DDX42: variants seen among roughly 807,000 people sequenced by gnomAD.
The protein encoded by DDX42 is ATP-dependent RNA helicase DDX42.
In DDX42, 22 loss-of-function variants were observed where a neutral mutation model predicts 101.5. The ratio of observed to expected loss-of-function variants is 0.22; its 90% confidence interval spans 0.15 to 0.31. The LOEUF is 0.31. Among genes scored for constraint, DDX42 ranks in the 10% least tolerant of loss-of-function variants. DDX42 has a pLI of 1.00. For synonymous variants in DDX42, 402 were observed against 401.2 expected (o/e 1.00, Z -0.02); for missense variants, 849 against 1,199.9 (o/e 0.71, Z 4.32).
intron 1 of DDX42, among the ~76,000 whole-genome samples, chr17:63,785,644 A>G (rs1157941095): frequency 6.6e-6 from 1 of 151,772 alleles, no homozygotes; most frequent in Non-Finnish European, 1.5e-5. Flanking sequence ...TGGAGCCAAG[A>G]CTAATGTAAG....
chr17:63,779,969 A>G (rs1295355108), intron 1 of DDX42, among the ~76,000 whole-genome samples: 4 of 152,140 alleles, frequency 2.6e-5, no homozygotes, highest in African/African-American at 7.2e-5. Flanking sequence ...GTGATTGTCA[A>G]GGTTCAGTAA....
At chr17:63,780,032 C>T (rs886498099) in intron 1 of DDX42, among the ~76,000 whole-genome samples, 8 of 152,202 alleles carry the variant, frequency 5.3e-5, no homozygotes, top group Admixed American at 1.3e-4. Context: ...CACGGTGGCT[C>T]ACGCCTGTAA....
At chr17:63,789,145 C>G (rs1235671112) in intron 2 of DDX42, among the ~76,000 whole-genome samples, 2 of 151,956 alleles carry the variant, frequency 1.3e-5, no homozygotes, top group Non-Finnish European at 2.9e-5. Flanking sequence ...GTGGCGTGAT[C>G]TAGGCTCACA....
At chr17:63,811,198 G>A (rs545739006) in intron 13 of DDX42, 25 bp downstream of exon 13, 1 of 1,523,394 alleles carries the variant, frequency 6.6e-7, no homozygotes, top group Non-Finnish European at 9.0e-7. Flanking sequence ...GGCTGGATGG[G>A]ACCTTAATGG....
intron 11 of DDX42, 65 bp from the exon 12 acceptor site, chr17:63,810,448 G>A: frequency 6.5e-7 from 1 of 1,546,204 alleles, no homozygotes. Context: ...TACTAATATG[G>A]CTTTTTCCAG....
At position 63,809,700 on chromosome 17, in the gene DDX42, GA is replaced by G. The variant is rs1181019845; in HGVS notation, c.1252+42del. ...CAGTTTCTTCTGTCCCCATCCTCAT[GA>G]TACTAGTTTTTTTTCCATGTCTTTC... On this transcript the variant is annotated intron_variant, in intron 11 of 17. Coordinates refer to ENST00000389924, the MANE Select transcript of DDX42 (RefSeq NM_203499.3). 8 of 1,521,060 alleles carry G rather than the reference GA, an allele frequency of 5.3e-6. No individual in the cohort carries two copies. The African/African-American group carries it at 1.1e-4, about 21-fold the overall frequency. 94.2% of individuals were successfully genotyped at this position (1,521,060 alleles called of 1,614,324 possible).
rs200635802 is a variant in DDX42, at chr17:63,818,443, A to C, written c.*45A>C. On this transcript the variant is annotated 3_prime_UTR_variant, in exon 18 of 18. Coordinates refer to ENST00000389924, the MANE Select transcript of DDX42 (RefSeq NM_203499.3). Reference sequence around the variant, plus strand: ...GAAATCAGTTGTCCTTAATTTTTAGAAAGATTTTGGTAACTAGGTGTCTCA... The same window carrying C: ...GAAATCAGTTGTCCTTAATTTTTAGCAAGATTTTGGTAACTAGGTGTCTCA... The C allele has an allele frequency of 7.4e-4, 1,149 of 1,561,666 alleles. 3 individuals carry two copies. The highest frequency in any genetic ancestry group is 1.7e-3 in the Middle Eastern group (8 of 4,820).
intron 6 of DDX42, among the ~76,000 whole-genome samples, chr17:63,801,838 C>T (rs1817094211): frequency 6.6e-6 from 1 of 152,018 alleles, no homozygotes; most frequent in Non-Finnish European, 1.5e-5. Context: ...CACAGTGGAG[C>T]CAGTAATTAC....
chr17:63,785,341 C>G (rs2039534092), intron 1 of DDX42, among the ~76,000 whole-genome samples: 1 of 151,678 alleles, frequency 6.6e-6, no homozygotes, highest in Non-Finnish European at 1.5e-5. Flanking sequence ...TCCCAGCTAC[C>G]CAGGAGGCTG....
chr17:63,777,695 G>A (rs993415527), intron 1 of DDX42, among the ~76,000 whole-genome samples: 3 of 151,444 alleles, frequency 2.0e-5, no homozygotes, highest in Admixed American at 1.3e-4. Context: ...TGATCCACCC[G>A]TCTCGGCCTC....
chr17:63,805,133 T>A lies in DDX42; in HGVS notation c.684T>A (p.Thr228=). 1 of 1,613,256 alleles carries A rather than the reference T, an allele frequency of 6.2e-7. No homozygotes were observed. The highest frequency in any genetic ancestry group is 8.5e-7 in the Non-Finnish European group (1 of 1,179,854). The change falls in exon 7 of 18, where the codon ACT becomes ACA. Residue 228 remains threonine (T), a synonymous_variant. Transcript: ENST00000389924. ...AGCATGAAGAGATAACCAACCTCAC[T>A]CCACAGCAGTTAATAGATCTCCGGC... ...YNEHEEITNL[T]PQQLIDLRHK...
intron 6 of DDX42, among the ~76,000 whole-genome samples, chr17:63,802,384 T>G (rs1167364947): frequency 2.6e-5 from 4 of 152,238 alleles, no homozygotes; most frequent in Non-Finnish European, 1.5e-5. Flanking sequence ...GTGAACTAGC[T>G]ACTTTTTTTC....
chr17:63,796,743 A>G (rs898737005), intron 3 of DDX42, among the ~76,000 whole-genome samples: 2 of 152,208 alleles, frequency 1.3e-5, no homozygotes, highest in Admixed American at 6.5e-5. Flanking sequence ...ACTTTTGGTG[A>G]CCTGTTTCTT....
intron 2 of DDX42, among the ~76,000 whole-genome samples, chr17:63,790,133 T>A (rs548256862): frequency 6.6e-6 from 1 of 152,198 alleles, no homozygotes; most frequent in East Asian, 1.9e-4. Context: ...TATGTCAGAG[T>A]GAGACTCTGT....
At chr17:63,792,313 CTAA>C (rs2039637937) in intron 2 of DDX42, 96 bp from the exon 3 acceptor site, 23 of 1,325,368 alleles carry the variant, frequency 1.7e-5, no homozygotes, top group Non-Finnish European at 2.0e-5. Context: ...ATTACATCTC[CTAA>C]TAATAAGATA....
chr17:63,780,698 T>G (rs556003992), intron 1 of DDX42, among the ~76,000 whole-genome samples: 1 of 152,336 alleles, frequency 6.6e-6, no homozygotes, highest in African/African-American at 2.4e-5. Context: ...TTGCTAAGTC[T>G]TGAGAGCCAG....
Position 63,774,317 on chromosome 17 carries a change from G to T in DDX42, c.-76G>T, listed in dbSNP as rs770306583. Reference sequence around the variant, plus strand: ...CGGGCCGGGACAGCGCGTACTTTGGGCTCCGGGATTCGCTCCGCGCCCGCG... The same window carrying T: ...CGGGCCGGGACAGCGCGTACTTTGGTCTCCGGGATTCGCTCCGCGCCCGCG... On this transcript the variant is annotated 5_prime_UTR_variant, in exon 1 of 18. Coordinates refer to ENST00000389924, the MANE Select transcript of DDX42 (RefSeq NM_203499.3). The T allele has an allele frequency of 3.0e-5, 8 of 266,664 alleles. 3 individuals are homozygous for T. Among genetic ancestry groups the T allele is most frequent in the African/African-American group, 7.1e-5 (3 of 42,466 alleles). The allele number at this position is 266,664 out of a possible 1,614,324, so 16.5% of individuals were successfully genotyped here. A position where few individuals can be genotyped will look rare whatever the true frequency, so the allele number is the denominator to read the frequency against.
intron 7 of DDX42, chr17:63,806,174 T>C (rs774003076): frequency 3.9e-4 from 62 of 159,024 alleles, no homozygotes; most frequent in Admixed American, 3.3e-3. Context: ...AATTTTTTTC[T>C]ACCATCTGGT....
At chr17:63,781,389 T>G (rs1202711477) in intron 1 of DDX42, among the ~76,000 whole-genome samples, 1 of 152,038 alleles carries the variant, frequency 6.6e-6, no homozygotes, top group African/African-American at 2.4e-5. Context: ...GGCTAATTTT[T>G]TGTATTTTTA....
Sources: allele counts gnomAD v4.1 joint callset (sites outside exome capture counted in the v4.1 genomes callset), GRCh38; gene constraint gnomAD v4.1.1; transcripts MANE v1.5; gene names NCBI Gene and HGNC (gene_info 2026-07-23, HGNC 2026-07-21).